The following ADGRL2 variants were observed in gnomAD, a reference collection of about 807,000 sequenced individuals.
The protein encoded by ADGRL2 is adhesion G protein-coupled receptor L2.
A neutral mutation model predicts 157.4 loss-of-function variants in ADGRL2; 44 were observed. That is an observed-to-expected ratio of 0.28 (90% confidence interval 0.22 to 0.36). The LOEUF is 0.36. Ranked by LOEUF, ADGRL2 falls within the 10% of genes least tolerant of loss-of-function variation. The probability of loss-of-function intolerance (pLI) is 1.00; values close to 1 mark genes in which losing one functional copy is unlikely to be tolerated. For missense variants in ADGRL2, 1,510 were observed against 1,768.9 expected (o/e 0.85, Z 2.63); for synonymous variants, 585 against 624.7 (o/e 0.94, Z 0.95).
Position 81,943,364 on chromosome 1 carries a change from G to A in ADGRL2, c.805G>A (p.Asp269Asn). 6.2e-7 allele frequency: 1 copy of A among 1,613,568 alleles called. No homozygotes were observed. The highest frequency in any genetic ancestry group is 8.5e-7 in the Non-Finnish European group (1 of 1,179,738). ...PYRWGGKTDI[D>N]LAVDENGLWV... ...CAGATGGGGAGGAAAGACTGATATCGACCTAGCAGTTGATGAAAATGGTTT... is the reference window on the plus strand; with the variant it reads ...CAGATGGGGAGGAAAGACTGATATCAACCTAGCAGTTGATGAAAATGGTTT... The change falls in exon 6 of 24, where the codon GAC (aspartate) becomes AAC (asparagine). Residue 269 changes from aspartate (D) to asparagine (N), a missense_variant. Physicochemically the swap from Asp to Asn is conservative, Grantham distance 23 (BLOSUM62 1). Transcript: ENST00000686636. This position sits in a 1 kb window ranked among gnomAD's most constrained non-coding sequence, Gnocchi z 5.6.
intron 1 of ADGRL2, among the ~76,000 whole-genome samples, chr1:81,408,213 T>C (rs2101377961): frequency 6.6e-6 from 1 of 152,334 alleles, no homozygotes; most frequent in Admixed American, 6.5e-5. Context: ...GAGTAAACCT[T>C]ATACAAGCTA....
intron 2 of ADGRL2, among the ~76,000 whole-genome samples, chr1:81,526,061 A>T (rs2079446906): frequency 6.6e-6 from 1 of 151,234 alleles, no homozygotes; most frequent in African/African-American, 2.4e-5. Context: ...GTGTCTTCCC[A>T]GTTTAATTGG....
At chr1:81,593,798 A>G (rs575197789) in intron 3 of ADGRL2, among the ~76,000 whole-genome samples, 10 of 152,336 alleles carry the variant, frequency 6.6e-5, no homozygotes, top group African/African-American at 2.2e-4. Flanking sequence ...AGCAAAAACC[A>G]TTAAAAAAGA....
At chr1:81,436,233 G>A (rs2077406722) in intron 1 of ADGRL2, among the ~76,000 whole-genome samples, 2 of 152,082 alleles carry the variant, frequency 1.3e-5, no homozygotes, top group African/African-American at 4.8e-5. Flanking sequence ...GGGCAGACAC[G>A]GCTCGGTCCT....
At chr1:81,742,555 A>G (rs1235642169) in intron 1 of ADGRL2, among the ~76,000 whole-genome samples, 1 of 152,068 alleles carries the variant, frequency 6.6e-6, no homozygotes, top group Non-Finnish European at 1.5e-5. Context: ...CAAAAGATGC[A>G]AATTCCTTCT....
intron 2 of ADGRL2, among the ~76,000 whole-genome samples, chr1:81,465,071 C>T (rs1194774553): frequency 6.6e-6 from 1 of 151,736 alleles, no homozygotes; most frequent in Non-Finnish European, 1.5e-5. Context: ...ACTGTGTTGT[C>T]GGTGGTCACA....
At chr1:81,651,423 T>G (rs990810392) in intron 3 of ADGRL2, among the ~76,000 whole-genome samples, 6 of 152,188 alleles carry the variant, frequency 3.9e-5, no homozygotes, top group African/African-American at 1.4e-4. Context: ...CTACGCTGGT[T>G]GATAAGTGTA....
intron 1 of ADGRL2, among the ~76,000 whole-genome samples, chr1:81,378,409 T>TAATTA (rs1400502088): frequency 6.7e-6 from 1 of 150,260 alleles, no homozygotes; most frequent in Non-Finnish European, 1.5e-5. Flanking sequence ...ATATAAAAAA[T>TAATTA]AATTAGCTGG....
intron 1 of ADGRL2, among the ~76,000 whole-genome samples, chr1:81,802,022 G>C (rs1410659071): frequency 6.6e-6 from 1 of 151,000 alleles, no homozygotes; most frequent in Non-Finnish European, 1.5e-5. Context: ...TGGAGGCGGC[G>C]GCGGCCGAGC....
In ADGRL2 at chr1:81,474,823, A is replaced by G. The variant is rs146838241; in HGVS notation, c.-248+29734A>G. ...ATGGCCAATTACCTTTGTTTTTTCAATTACTGGTCATTTTGTTTGAGATTG... is the reference window on the plus strand; with the variant it reads ...ATGGCCAATTACCTTTGTTTTTTCAGTTACTGGTCATTTTGTTTGAGATTG... On this transcript the variant is annotated intron_variant, in intron 2 of 24. Coordinates refer to the ADGRL2 transcript ENST00000370721. Among the ~76,000 whole-genome samples, 57 of 152,180 alleles carry G rather than the reference A, an allele frequency of 3.7e-4. No homozygotes were observed. The East Asian group carries it at 0.01, about 27-fold the overall frequency.
At chr1:81,878,976 A>G (rs530316975) in intron 2 of ADGRL2, among the ~76,000 whole-genome samples, 1 of 152,368 alleles carries the variant, frequency 6.6e-6, no homozygotes, top group African/African-American at 2.4e-5. Flanking sequence ...CCCCCAAAAC[A>G]TTTAAAAATA....
chr1:81,524,113 C>A (rs574321864), intron 2 of ADGRL2, among the ~76,000 whole-genome samples: 249 of 152,174 alleles, frequency 1.6e-3, no homozygotes, highest in African/African-American at 5.8e-3. Flanking sequence ...GTAATCCCAG[C>A]ACTTTGGGAG....
chr1:81,441,527 T>G (rs894223520), intron 1 of ADGRL2, among the ~76,000 whole-genome samples: 1 of 152,184 alleles, frequency 6.6e-6, no homozygotes, highest in Non-Finnish European at 1.5e-5. Context: ...GTTTTTGGGT[T>G]TTTTTGTTTG....
At chr1:81,432,894 G>A (rs1490678579) in intron 1 of ADGRL2, among the ~76,000 whole-genome samples, 1 of 152,142 alleles carries the variant, frequency 6.6e-6, no homozygotes, top group African/African-American at 2.4e-5. Context: ...CTATGGTTGT[G>A]TATACAGAGT....
chr1:81,868,708 A>G (rs555981542), intron 2 of ADGRL2, among the ~76,000 whole-genome samples: 19 of 152,214 alleles, frequency 1.2e-4, no homozygotes, highest in African/African-American at 4.3e-4. Flanking sequence ...CAACATTCAT[A>G]CCTACAAAAC....
intron 1 of ADGRL2, among the ~76,000 whole-genome samples, chr1:81,383,662 TA>T (rs530939816): frequency 0.41 from 57,743 of 141,834 alleles, 12,235 homozygotes; most frequent in Non-Finnish European, 0.49. Context: ...ACTACTAGTT[TA>T]AAAAAAAAAA....
At chr1:81,870,830 G>T (rs1009295503) in intron 2 of ADGRL2, among the ~76,000 whole-genome samples, 1 of 150,672 alleles carries the variant, frequency 6.6e-6, no homozygotes, top group African/African-American at 2.4e-5. Context: ...AGTGTTTATA[G>T]TGGTTGGTAT....
chr1:81,854,709 T>C (rs1431882681), intron 2 of ADGRL2, among the ~76,000 whole-genome samples: 5 of 152,136 alleles, frequency 3.3e-5, no homozygotes, highest in Non-Finnish European at 7.4e-5. Flanking sequence ...GAGAGCTGCA[T>C]AGGTGGCATA....
intron 23 of ADGRL2, among the ~76,000 whole-genome samples, chr1:81,989,354 G>A (rs1664088912): frequency 2.6e-5 from 4 of 152,072 alleles, no homozygotes; most frequent in Admixed American, 2.6e-4. Context: ...TGACCTCCAT[G>A]GCCATGGTGT....
Sources: allele counts gnomAD v4.1 joint callset (sites outside exome capture counted in the v4.1 genomes callset), GRCh38; gene constraint gnomAD v4.1.1; non-coding constraint Gnocchi (gnomAD v3.1); transcripts MANE v1.5; gene names NCBI Gene and HGNC (gene_info 2026-07-23, HGNC 2026-07-21).